Variants in PCDHA5 observed in about 807,000 individuals in gnomAD.
The protein encoded by PCDHA5 is protocadherin alpha-5.
A neutral mutation model predicts 61.6 loss-of-function variants in PCDHA5; 43 were observed. That is an observed-to-expected ratio of 0.70 (90% CI 0.55 to 0.90). The LOEUF is 0.90. Ranked by LOEUF, PCDHA5 falls within the 40% of genes least tolerant of loss-of-function variation. The pLI is 0.00. For synonymous variants in PCDHA5, 627 were observed against 543.9 expected (o/e 1.15, Z -2.13); for missense variants, 1,298 against 1,222.7 (o/e 1.06, Z -0.92).
intron 1 of PCDHA5, among the ~76,000 whole-genome samples, chr5:140,956,546 G>A (rs1330264002): frequency 1.3e-5 from 2 of 152,158 alleles, no homozygotes; most frequent in Non-Finnish European, 2.9e-5. Flanking sequence ...GCTGGATTTG[G>A]TTTGCCAGTA....
rs544401230 is a variant in PCDHA5 at position 140,855,171 on chromosome 5, C to A, written c.2352+31044C>A. On this transcript the variant is annotated intron_variant, in intron 1 of 3. Coordinates refer to ENST00000529859, the MANE Select transcript of PCDHA5 (RefSeq NM_018908.3). ...AATTTGGTATTGAGCCTCATGAAAA[C>A]AAATGTGGCCAAATTGAGGCCTGAG... Among the ~76,000 whole-genome samples the A allele has an allele frequency of 6.9e-4, 104 of 149,830 alleles. 7 individuals are homozygous for A. Among genetic ancestry groups the A allele is most frequent in the African/African-American group, 2.4e-3 (100 of 41,004 alleles).
At chr5:140,915,059 C>T (rs1554196724) in intron 1 of PCDHA5, among the ~76,000 whole-genome samples, 1 of 151,706 alleles carries the variant, frequency 6.6e-6, no homozygotes, top group Non-Finnish European at 1.5e-5. Flanking sequence ...GATTCTCCTG[C>T]CTTAGCCTAC....
chr5:140,850,744 ACTCG>A lies in PCDHA5; in HGVS notation c.2352+26619_2352+26622del, dbSNP rs2041800778. ...TCTAGCGCGGTGGGGAGTTGGTCGT[ACTCG>A]CAGCAGAGGAGGCAGAGGGTGTGCT... On this transcript the variant is annotated intron_variant, in intron 1 of 3. Coordinates refer to ENST00000529859, the MANE Select transcript of PCDHA5 (RefSeq NM_018908.3). 1.3e-6 allele frequency: 2 copies of A among 1,597,470 alleles called. 1 individual carries two copies. The highest frequency in any genetic ancestry group is 2.7e-5 in the African/African-American group (2 of 74,012).
intron 1 of PCDHA5, chr5:140,928,443 G>A: frequency 6.2e-7 from 1 of 1,614,184 alleles, no homozygotes. Context: ...ACTTTGAGCA[G>A]CTCAGGGGGT....
rs199902550 is a variant in PCDHA5 at position 140,965,368 on chromosome 5, A to C, written c.2353-13581A>C. On this transcript the variant is annotated intron_variant, in intron 1 of 3. Transcript: ENST00000529859. ...TTGCCTCTATAGCAGTACAAGAGGAAACTTGGGGACACAGAAGAACAGAAG... is the reference window on the plus strand; with the variant it reads ...TTGCCTCTATAGCAGTACAAGAGGACACTTGGGGACACAGAAGAACAGAAG... 8.5e-5 allele frequency among the ~76,000 whole-genome samples: 13 copies of C among 152,290 alleles called. No homozygotes were observed. The East Asian group carries it at 2.5e-3, about 29-fold the overall frequency.
At chr5:140,873,265 T>A (rs2054186823) in intron 1 of PCDHA5, among the ~76,000 whole-genome samples, 1 of 152,228 alleles carries the variant, frequency 6.6e-6, no homozygotes, top group South Asian at 2.1e-4. Context: ...CAAAAGTGAT[T>A]AAACCATCAT....
chr5:140,844,707 T>C lies in PCDHA5; in HGVS notation c.2352+20580T>C, dbSNP rs2150373340. Among the ~76,000 whole-genome samples, 21 of 149,764 alleles carry C rather than the reference T, an allele frequency of 1.4e-4. 3 individuals carry two copies. The highest frequency in any genetic ancestry group is 3.0e-4 in the Non-Finnish European group (20 of 66,878). ...TTATACAGAATATTTGGGATTATCA[T>C]GGCCCATTAGTTCGTGTAAAAATAT... On this transcript the variant is annotated intron_variant, in intron 1 of 3. Transcript: ENST00000529859.
chr5:140,928,940 AT>A (rs573936635), intron 1 of PCDHA5: 94 of 1,614,062 alleles, frequency 5.8e-5, no homozygotes, highest in Non-Finnish European at 7.9e-5. Flanking sequence ...CAGAACTTGT[AT>A]TTAGTAATTG....
At chr5:141,003,307 C>T (rs2153977029) in intron 3 of PCDHA5, among the ~76,000 whole-genome samples, 1 of 152,252 alleles carries the variant, frequency 6.6e-6, no homozygotes. Flanking sequence ...ATGAAGTGGC[C>T]AGCTACTTCC....
At chr5:140,973,358 A>G (rs1450961086) in intron 1 of PCDHA5, among the ~76,000 whole-genome samples, 1 of 152,234 alleles carries the variant, frequency 6.6e-6, no homozygotes, top group Non-Finnish European at 1.5e-5. Flanking sequence ...GTGAATTTAT[A>G]AAAATTGCAC....
Position 140,824,163 on chromosome 5 carries a change from C to T in PCDHA5, c.2352+36C>T. 3.1e-6 allele frequency: 5 copies of T among 1,610,816 alleles called. 1 individual carries two copies. The Middle Eastern group carries it at 5.0e-4, about 160-fold the overall frequency. ...TAATATTAACATCCATCTTTCCCTC[C>T]CAATTTTCAAATATTAAATGTCACA... On this transcript the variant is annotated intron_variant, in intron 1 of 3. Transcript: ENST00000529859.
At chr5:140,877,503 G>T in intron 1 of PCDHA5, 1 of 1,613,834 alleles carries the variant, frequency 6.2e-7, no homozygotes. Flanking sequence ...AGGCCCCAAA[G>T]ACGTCGTCGC....
chr5:140,858,772 A>G lies in PCDHA5; in HGVS notation c.2352+34645A>G. ...TTTCGTTACAAATATTTGTGAGATTAGTACTTCATGTTATTTCATTTCCAA... is the reference window on the plus strand; with the variant it reads ...TTTCGTTACAAATATTTGTGAGATTGGTACTTCATGTTATTTCATTTCCAA... On this transcript the variant is annotated intron_variant, in intron 1 of 3. Transcript: ENST00000529859. 1.4e-5 allele frequency: 6 copies of G among 437,250 alleles called. No homozygotes were observed. In the South Asian group the frequency reaches 1.5e-4, roughly 11 times the overall value. 27.1% of individuals were successfully genotyped at this position (437,250 alleles called of 1,614,324 possible).
intron 1 of PCDHA5, among the ~76,000 whole-genome samples, chr5:140,889,643 G>A (rs141216075): frequency 1.3e-4 from 20 of 152,024 alleles, no homozygotes; most frequent in African/African-American, 4.8e-4. Context: ...ATTTGTGTTT[G>A]CAGGAGATGT....
At position 140,821,892 on chromosome 5, in the gene PCDHA5, A is replaced by G; in HGVS notation, c.117A>G (p.Lys39=). 6.2e-7 allele frequency: 1 copy of G among 1,614,238 alleles called. No homozygotes were observed. Among genetic ancestry groups the G allele is most frequent in the Non-Finnish European group, 8.5e-7 (1 of 1,180,036 alleles). The change falls in exon 1 of 4, where the codon AAA becomes AAG. Residue 39 remains lysine, a synonymous_variant. Coordinates refer to ENST00000529859, the MANE Select transcript of PCDHA5 (RefSeq NM_018908.3). ...QLHYSIPEEA[K]HGTFVGRIAQ... is the part of the protein sequence containing the mutation. ...ACTACTCGATCCCGGAGGAAGCCAAACACGGAACCTTCGTTGGCCGCATCG... is the reference window on the plus strand; with the variant it reads ...ACTACTCGATCCCGGAGGAAGCCAAGCACGGAACCTTCGTTGGCCGCATCG...
intron 1 of PCDHA5, chr5:140,836,055 G>A: frequency 5.6e-6 from 9 of 1,613,604 alleles, no homozygotes; most frequent in Non-Finnish European, 7.6e-6. Flanking sequence ...CGTGCTGGAC[G>A]AGAACGACAA....
At chr5:140,850,617 T>A in intron 1 of PCDHA5, 3 of 1,598,492 alleles carry the variant, frequency 1.9e-6, no homozygotes, top group African/African-American at 2.7e-5. Context: ...CTGCGCGGTG[T>A]CTAGCCTGTT....
At chr5:140,878,725 A>G (rs1230048195) in intron 1 of PCDHA5, among the ~76,000 whole-genome samples, 1 of 152,252 alleles carries the variant, frequency 6.6e-6, no homozygotes, top group African/African-American at 2.4e-5. Flanking sequence ...TAAAATTTCC[A>G]GCCTTATATC....
chr5:140,850,369 G>T, intron 1 of PCDHA5: 1 of 1,597,922 alleles, frequency 6.3e-7, no homozygotes, highest in Non-Finnish European at 8.6e-7. Context: ...TTCCGCGTGG[G>T]GCTGTACACG....
Sources: allele counts gnomAD v4.1 joint callset (sites outside exome capture counted in the v4.1 genomes callset), GRCh38; gene constraint gnomAD v4.1.1; transcripts MANE v1.5; gene names NCBI Gene and HGNC (gene_info 2026-07-23, HGNC 2026-07-21).